CPEB2: variants seen among roughly 807,000 people sequenced by gnomAD.
CPEB2 encodes cytoplasmic polyadenylation element-binding protein 2.
Under a neutral mutation model 93.6 loss-of-function variants are expected in CPEB2, and 56 were observed. That is an observed-to-expected ratio of 0.60 (90% CI 0.48 to 0.75). The LOEUF is 0.75. CPEB2 is among the 30% of genes least tolerant of loss of function. The probability of loss-of-function intolerance (pLI) is 0.00; values close to 1 mark genes in which losing one functional copy is unlikely to be tolerated. For missense variants in CPEB2, 1,579 were observed against 1,395.1 expected (o/e 1.13, Z -2.10); for synonymous variants, 764 against 586.3 (o/e 1.30, Z -4.38).
At chr4:15,035,965 A>T (rs1204013804) in intron 5 of CPEB2, among the ~76,000 whole-genome samples, 4 of 152,220 alleles carry the variant, frequency 2.6e-5, no homozygotes, top group Non-Finnish European at 5.9e-5. Context: ...GATATGGCAA[A>T]TATATCTGTA....
At chr4:15,049,375 T>C (rs1292080876) in intron 6 of CPEB2, among the ~76,000 whole-genome samples, 1 of 152,120 alleles carries the variant, frequency 6.6e-6, no homozygotes, top group African/African-American at 2.4e-5. Context: ...TTTATTTGTG[T>C]TAGGGCATTT....
Position 15,012,838 on chromosome 4 carries a change from T to C in CPEB2, c.2035-4350T>C, listed in dbSNP as rs1190482159. 2.0e-5 allele frequency among the ~76,000 whole-genome samples: 3 copies of C among 152,244 alleles called. No homozygotes were observed. The East Asian group carries it at 5.8e-4, about 29-fold the overall frequency. On this transcript the variant is annotated intron_variant, in intron 3 of 11. Coordinates refer to ENST00000538197, the MANE Select transcript of CPEB2 (RefSeq NM_001177382.2). ...AATATAAGAATATAGGGGTTTTCTA[T>C]AATCTTATTTTTCTTTGGAAGAGTA... is the stretch of plus-strand genomic sequence containing the variant.
At chr4:15,024,007 C>G (rs1450481538) in intron 4 of CPEB2, among the ~76,000 whole-genome samples, 4 of 151,874 alleles carry the variant, frequency 2.6e-5, no homozygotes, top group Admixed American at 2.6e-4. Context: ...TTTCATAAAG[C>G]TTTCTTTTTC....
chr4:15,003,437 C>T lies in CPEB2; in HGVS notation c.764C>T (p.Pro255Leu), dbSNP rs969379155. ...SPQDFAPRQR[P>L]ADLPPLPQLP... ...CAGGACTTCGCCCCGCGGCAGCGTC[C>T]GGCAGACCTGCCCCCGCTCCCGCAG... Residue 255 changes from proline to leucine, a missense_variant, in exon 1 of 12, where the codon CCG becomes CTG. Physicochemically the swap from Pro to Leu is moderately conservative, Grantham distance 98. Coordinates refer to ENST00000538197, the MANE Select transcript of CPEB2 (RefSeq NM_001177382.2). The T allele has an allele frequency of 5.9e-6, 8 of 1,358,008 alleles. No homozygotes were observed. The highest frequency in any genetic ancestry group is 4.0e-5 in the Admixed American group (1 of 24,796). 84.1% of individuals were successfully genotyped at this position (1,358,008 alleles called of 1,614,324 possible).
chr4:15,046,580 G>A (rs1311157831), intron 6 of CPEB2, among the ~76,000 whole-genome samples: 1 of 152,056 alleles, frequency 6.6e-6, no homozygotes, highest in African/African-American at 2.4e-5. Flanking sequence ...CCTCACTGTG[G>A]CTCTAATTTG....
Position 15,003,201 on chromosome 4 carries a change from C to G in CPEB2, c.528C>G (p.Ser176Arg), listed in dbSNP as rs1014981102. 1 of 1,534,144 alleles carries G rather than the reference C, an allele frequency of 6.5e-7. No homozygotes were observed. The highest frequency in any genetic ancestry group is 8.7e-7 in the Non-Finnish European group (1 of 1,146,284). The change falls in exon 1 of 12, where the codon AGC (serine) becomes AGG (arginine). Residue 176 changes from serine to arginine, a missense_variant. Physicochemically the swap from Ser to Arg is moderately radical, Grantham distance 110 (BLOSUM62 -1). This residue lies in a region of CPEB2 where 1,411 missense variants were observed against 1,056.0 expected (regional missense o/e 1.34). Transcript: ENST00000538197. ...FSKRQQQQLSSQKRKEFSPPH... is the reference protein window; with the variant it reads ...FSKRQQQQLSRQKRKEFSPPH... ...AGCGGCAGCAGCAGCAGCTGAGCAG[C>G]CAGAAGAGGAAAGAGTTCAGCCCTC...
rs888701336 is a variant in CPEB2, at chr4:15,044,179, G to A, written c.2200+3692G>A. ...TACAGGGGTCAGGAAACCATGGCCC[G>A]CAGGCCAAGGCTTCTGTTTTTGTAA... On this transcript the variant is annotated intron_variant, in intron 6 of 11. Coordinates refer to ENST00000538197, the MANE Select transcript of CPEB2 (RefSeq NM_001177382.2). Among the ~76,000 whole-genome samples, 4 of 152,154 alleles carry A rather than the reference G, an allele frequency of 2.6e-5. 1 individual carries two copies. The South Asian group carries it at 6.2e-4, about 24-fold the overall frequency.
intron 6 of CPEB2, among the ~76,000 whole-genome samples, chr4:15,042,165 C>G (rs2109053306): frequency 6.6e-6 from 1 of 152,228 alleles, no homozygotes; most frequent in Non-Finnish European, 1.5e-5. Flanking sequence ...AGAATTCTTG[C>G]CTTGTTAAAC....
intron 5 of CPEB2, among the ~76,000 whole-genome samples, chr4:15,036,570 C>T (rs1346723243): frequency 6.6e-6 from 1 of 152,082 alleles, no homozygotes; most frequent in African/African-American, 2.4e-5. Flanking sequence ...AAGAGCAATA[C>T]AAAATGATGT....
At chr4:15,030,353 C>T (rs538863173) in intron 4 of CPEB2, among the ~76,000 whole-genome samples, 17 of 152,012 alleles carry the variant, frequency 1.1e-4, no homozygotes, top group Non-Finnish European at 1.9e-4. Context: ...CCAGTGCTAC[C>T]TGCCAGTGGT....
At chr4:15,044,308 C>T (rs1727457998) in intron 6 of CPEB2, among the ~76,000 whole-genome samples, 1 of 152,160 alleles carries the variant, frequency 6.6e-6, no homozygotes, top group South Asian at 2.1e-4. Context: ...CAGAAAATGT[C>T]TGGTCTTCAA....
At chr4:15,058,707 C>A (rs1407445263) in intron 9 of CPEB2, among the ~76,000 whole-genome samples, 168 bp downstream of exon 9, 4 of 152,130 alleles carry the variant, frequency 2.6e-5, no homozygotes, top group African/African-American at 9.7e-5. Flanking sequence ...GGCAGTGGAC[C>A]AGTACTGGTG....
intron 4 of CPEB2, among the ~76,000 whole-genome samples, chr4:15,021,732 TATG>T (rs762794416): frequency 1.1e-4 from 17 of 152,192 alleles, no homozygotes; most frequent in Non-Finnish European, 2.2e-4. Context: ...GAATTTAGAA[TATG>T]ATTTTACACC....
At chr4:15,033,064 C>T (rs1577414524) in intron 4 of CPEB2, 97 bp from the exon 5 acceptor site, 2 of 773,694 alleles carry the variant, frequency 2.6e-6, no homozygotes, top group South Asian at 3.2e-5. Context: ...CAATAATTTT[C>T]TCTTTATGCT....
chr4:15,065,171 G>A (rs951469025), intron 11 of CPEB2, among the ~76,000 whole-genome samples: 2 of 151,672 alleles, frequency 1.3e-5, no homozygotes, highest in Non-Finnish European at 2.9e-5. Flanking sequence ...ATAATATTGC[G>A]GAAAATATCC....
chr4:15,003,966 C>T lies in CPEB2; in HGVS notation c.1293C>T (p.Ser431=), dbSNP rs1722405331. 4 of 1,364,010 alleles carry T rather than the reference C, an allele frequency of 2.9e-6. No individual in the cohort carries two copies. The highest frequency in any genetic ancestry group is 3.3e-5 in the Admixed American group (1 of 30,244). The allele number at this position is 1,364,010 out of a possible 1,614,324, so 84.5% of individuals were successfully genotyped here. Residue 431 remains serine (S), a synonymous_variant, in exon 1 of 12, where the codon AGC becomes AGT. Transcript: ENST00000538197. The part of the protein sequence containing the change: ...GSSATTPGGG[S]GGSLSAMPPP... ...CTGCCACCACCCCGGGCGGCGGCAGCGGCGGCTCGCTCAGCGCCATGCCGC... is the reference window on the plus strand; with the variant it reads ...CTGCCACCACCCCGGGCGGCGGCAGTGGCGGCTCGCTCAGCGCCATGCCGC...
intron 1 of CPEB2, among the ~76,000 whole-genome samples, chr4:15,005,454 T>A: frequency 6.6e-6 from 1 of 152,346 alleles, no homozygotes; most frequent in East Asian, 1.9e-4. Flanking sequence ...TTTTTTGTTA[T>A]TCCCTCAATA....
intron 7 of CPEB2, among the ~76,000 whole-genome samples, chr4:15,053,296 A>G (rs1486574313): frequency 6.6e-6 from 1 of 152,104 alleles, no homozygotes; most frequent in Non-Finnish European, 1.5e-5. Context: ...GATTACAGGC[A>G]TGAGCCACCA....
chr4:15,049,989 G>T (rs1728068391), intron 6 of CPEB2, among the ~76,000 whole-genome samples: 2 of 152,074 alleles, frequency 1.3e-5, no homozygotes, highest in African/African-American at 2.4e-5. Flanking sequence ...GTGTCATATT[G>T]TTCAAGATGT....
Sources: gnomAD v4.1 joint callset for allele counts (sites outside exome capture counted in the v4.1 genomes callset) on GRCh38, gnomAD v4.1.1 for gene constraint, gnomAD v4.1.1 regional missense constraint, MANE v1.5 for transcripts, NCBI Gene and HGNC (gene_info 2026-07-23, HGNC 2026-07-21) for gene names.